UBE2G1: variants seen among roughly 807,000 people sequenced by gnomAD.
UBE2G1 encodes ubiquitin conjugating enzyme E2 G1.
Under a neutral mutation model 22.7 loss-of-function variants are expected in UBE2G1, and 5 were observed. That is an observed-to-expected ratio of 0.22 (90% CI 0.12 to 0.46). The LOEUF (loss-of-function observed/expected upper bound fraction) is 0.46, where lower values mean the gene tolerates loss of function less well. Among genes scored for constraint, UBE2G1 ranks in the 20% least tolerant of loss-of-function variants. The pLI is 0.99. For missense variants in UBE2G1, 88 were observed against 203.9 expected, an observed-to-expected ratio of 0.43 and a Z score of 3.46; for synonymous variants, 74 against 67.5, an observed-to-expected ratio of 1.10 and a Z score of -0.47.
chr17:4,284,782 T>G (rs1373265519), intron 4 of UBE2G1, among the ~76,000 whole-genome samples: 1 of 151,040 alleles, frequency 6.6e-6, no homozygotes, highest in Non-Finnish European at 1.5e-5. Context: ...TACCATTTGT[T>G]TTTTTCCCCC....
chr17:4,282,797 C>A lies in UBE2G1; in HGVS notation c.*37+1G>T. 6.4e-7 allele frequency: 1 copy of A among 1,563,798 alleles called. No individual in the cohort carries two copies. Among genetic ancestry groups the A allele is most frequent in the Non-Finnish European group, 8.7e-7 (1 of 1,146,614 alleles). ...AAGTATGATATTTAAAATAAACTTACCCTGAAATAAGTGAAGTTACTAGCT... is the reference window on the plus strand; with the variant it reads ...AAGTATGATATTTAAAATAAACTTAACCTGAAATAAGTGAAGTTACTAGCT... On this transcript the variant is annotated splice_donor_variant, in intron 5 of 5. Coordinates refer to ENST00000396981, the MANE Select transcript of UBE2G1 (RefSeq NM_003342.5). LOFTEE classifies it low-confidence loss of function (3UTR_SPLICE).
At chr17:4,279,812 T>C (rs1968864760) in intron 5 of UBE2G1, among the ~76,000 whole-genome samples, 2 of 19,358 alleles carry the variant, frequency 1.0e-4, no homozygotes, top group African/African-American at 1.4e-4. Flanking sequence ...TATATATATA[T>C]ATATATATAT....
intron 1 of UBE2G1, among the ~76,000 whole-genome samples, chr17:4,360,498 A>G (rs1969954269): frequency 6.6e-6 from 1 of 152,216 alleles, no homozygotes; most frequent in African/African-American, 2.4e-5. Flanking sequence ...CAATATAATG[A>G]TAGTCACTGG....
chr17:4,341,624 C>T (rs1969713334), intron 1 of UBE2G1, among the ~76,000 whole-genome samples: 1 of 152,104 alleles, frequency 6.6e-6, no homozygotes, highest in African/African-American at 2.4e-5. Context: ...GCCCACAAGC[C>T]CTCCAGTTAC....
At chr17:4,291,092 G>C (rs1460713344) in intron 3 of UBE2G1, among the ~76,000 whole-genome samples, 1 of 152,130 alleles carries the variant, frequency 6.6e-6, no homozygotes, top group African/African-American at 2.4e-5. Context: ...CGGGCGTGGT[G>C]GCTCACGCCT....
At chr17:4,310,274 C>G (rs1969295108) in intron 1 of UBE2G1, among the ~76,000 whole-genome samples, 2 of 152,110 alleles carry the variant, frequency 1.3e-5, no homozygotes, top group Non-Finnish European at 2.9e-5. Flanking sequence ...CATCTTCTGG[C>G]ACTTGACCAA....
chr17:4,352,021 CTT>C (rs545287572), intron 1 of UBE2G1, among the ~76,000 whole-genome samples: 2 of 152,100 alleles, frequency 1.3e-5, no homozygotes, highest in Admixed American at 6.6e-5. Context: ...AATCCCAGCA[CTT>C]CGAAAGGCTG....
At chr17:4,350,958 G>GCCCA (rs1969838232) in intron 1 of UBE2G1, among the ~76,000 whole-genome samples, 1 of 150,350 alleles carries the variant, frequency 6.7e-6, no homozygotes, top group Non-Finnish European at 1.5e-5. Context: ...GCGTGAACTC[G>GCCCA]GGAGGCAGAG....
intron 3 of UBE2G1, among the ~76,000 whole-genome samples, chr17:4,295,215 A>G (rs1969095456): frequency 2.6e-5 from 4 of 152,256 alleles, no homozygotes; most frequent in Admixed American, 2.6e-4. Context: ...CCAAAGCACA[A>G]GAGGCAAGCG....
intron 1 of UBE2G1, among the ~76,000 whole-genome samples, chr17:4,320,390 A>G: frequency 6.6e-6 from 1 of 152,182 alleles, no homozygotes; most frequent in East Asian, 1.9e-4. Flanking sequence ...CTTGCGATAA[A>G]TGTCTATCTA....
intron 5 of UBE2G1, among the ~76,000 whole-genome samples, chr17:4,279,967 G>A (rs1968867076): frequency 6.6e-6 from 1 of 151,130 alleles, no homozygotes; most frequent in Admixed American, 6.6e-5. Context: ...CACATGAAAC[G>A]ATATGCAATT....
intron 1 of UBE2G1, among the ~76,000 whole-genome samples, chr17:4,341,333 T>C (rs915730239): frequency 2.0e-5 from 3 of 152,222 alleles, no homozygotes; most frequent in Non-Finnish European, 4.4e-5. Context: ...ACATATCGTC[T>C]AACCTGAATC....
chr17:4,353,343 G>C (rs1303010860), intron 1 of UBE2G1, among the ~76,000 whole-genome samples: 2 of 151,908 alleles, frequency 1.3e-5, no homozygotes, highest in African/African-American at 4.8e-5. Flanking sequence ...ATGTAAGAAG[G>C]GGGAAGAATG....
At chr17:4,276,199 CT>C (rs987355801) in intron 5 of UBE2G1, among the ~76,000 whole-genome samples, 2 of 151,984 alleles carry the variant, frequency 1.3e-5, no homozygotes, top group East Asian at 1.9e-4. Context: ...CCCCCCCGCC[CT>C]TTTTTTTGGA....
intron 1 of UBE2G1, among the ~76,000 whole-genome samples, chr17:4,362,390 C>T (rs188114034): frequency 6.6e-6 from 1 of 152,236 alleles, no homozygotes; most frequent in East Asian, 1.9e-4. Context: ...TTATGGTTGT[C>T]ACAACTAAGG....
chr17:4,319,722 C>G (rs1402755159), intron 1 of UBE2G1, among the ~76,000 whole-genome samples: 8 of 141,582 alleles, frequency 5.7e-5, no homozygotes, highest in Non-Finnish European at 3.0e-5. Context: ...GCACCTGTGT[C>G]GAAAAAAAAA....
At chr17:4,313,251 C>G (rs918262037) in intron 1 of UBE2G1, among the ~76,000 whole-genome samples, 2 of 152,156 alleles carry the variant, frequency 1.3e-5, no homozygotes, top group African/African-American at 4.8e-5. Context: ...TCAAATAATG[C>G]TACACAAAAT....
intron 1 of UBE2G1, among the ~76,000 whole-genome samples, chr17:4,356,577 T>C (rs1597267629): frequency 6.6e-6 from 1 of 151,724 alleles, no homozygotes; most frequent in East Asian, 2.0e-4. Flanking sequence ...TATTTAAAAT[T>C]AGGATGGTAG....
intron 1 of UBE2G1, among the ~76,000 whole-genome samples, chr17:4,315,344 T>C (rs1436950762): frequency 6.6e-6 from 1 of 152,178 alleles, no homozygotes; most frequent in Non-Finnish European, 1.5e-5. Flanking sequence ...TGTCGATCAT[T>C]ATGTAAAAGT....
Sources: allele counts gnomAD v4.1 joint callset (sites outside exome capture counted in the v4.1 genomes callset), GRCh38; gene constraint gnomAD v4.1.1; transcripts MANE v1.5; gene names NCBI Gene and HGNC (gene_info 2026-07-23, HGNC 2026-07-21).